The following XPO4 variants were observed in gnomAD, a reference collection of about 807,000 sequenced individuals.
XPO4 encodes the protein exportin 4.
Under a neutral mutation model 143.0 loss-of-function variants are expected in XPO4, and 39 were observed. The ratio of observed to expected loss-of-function variants is 0.27; its 90% CI spans 0.21 to 0.36. The LOEUF (loss-of-function observed/expected upper bound fraction) is 0.36, where lower values mean the gene tolerates loss of function less well. XPO4 is among the 10% of genes least tolerant of loss of function. XPO4 has a pLI of 1.00. For synonymous variants in XPO4, 439 were observed against 474.0 expected (o/e 0.93, Z 0.96); for missense variants, 907 against 1,348.0 (o/e 0.67, Z 5.12).
At chr13:20,808,942 T>G in intron 11 of XPO4, 141 bp downstream of exon 11, 2 of 953,670 alleles carry the variant, frequency 2.1e-6, no homozygotes, top group Non-Finnish European at 3.1e-6. Flanking sequence ...AACGCAATCA[T>G]GAGTATGTTT....
At chr13:20,859,167 A>G (rs2060172614) in intron 3 of XPO4, among the ~76,000 whole-genome samples, 2 of 151,736 alleles carry the variant, frequency 1.3e-5, no homozygotes, top group Admixed American at 1.3e-4. Flanking sequence ...CCCTGTCTCA[A>G]TTTAAAAAAC....
rs374763166 is a variant in XPO4, at chr13:20,800,333, G to A, written c.1978-8C>T. ...ACTGAATGGCAGACTTATCTTAAGAGAGGAAACAAATTTTTTAAGGTAAGC... is the reference window on the plus strand; with the variant it reads ...ACTGAATGGCAGACTTATCTTAAGAAAGGAAACAAATTTTTTAAGGTAAGC... On this transcript the variant is annotated splice_region_variant and splice_polypyrimidine_tract_variant and intron_variant, in intron 14 of 22. Transcript: ENST00000255305. 70 of 1,595,222 alleles carry A rather than the reference G, an allele frequency of 4.4e-5. 1 individual carries two copies. The African/African-American group carries it at 7.3e-4, about 17-fold the overall frequency.
At chr13:20,807,350 T>C (rs1595076584) in intron 13 of XPO4, 107 bp downstream of exon 13, 1 of 1,122,280 alleles carries the variant, frequency 8.9e-7, no homozygotes, top group East Asian at 2.6e-5. Context: ...ATTTTTTTCA[T>C]GTATCAGATT....
chr13:20,860,035 A>C (rs2060182250), intron 3 of XPO4: 1 of 160,208 alleles, frequency 6.2e-6, no homozygotes, highest in Non-Finnish European at 1.3e-5. Flanking sequence ...TGACTCCATA[A>C]GGTAGTCTGG....
At chr13:20,895,240 G>A (rs1344195882) in intron 1 of XPO4, among the ~76,000 whole-genome samples, 1 of 151,992 alleles carries the variant, frequency 6.6e-6, no homozygotes, top group Non-Finnish European at 1.5e-5. Context: ...ATTAATTTAT[G>A]GTCTAAATTT....
chr13:20,859,587 G>C (rs2060177598), intron 3 of XPO4, among the ~76,000 whole-genome samples: 1 of 146,380 alleles, frequency 6.8e-6, no homozygotes. Context: ...ATGACAGACC[G>C]AGACTCCGTC....
At chr13:20,814,218 AT>A (rs1288007646) in intron 9 of XPO4, among the ~76,000 whole-genome samples, 1 of 150,170 alleles carries the variant, frequency 6.7e-6, no homozygotes, top group Non-Finnish European at 1.5e-5. Flanking sequence ...AAAGCAGGAT[AT>A]TTTCTAAGAC....
chr13:20,823,977 A>C (rs150115800), intron 7 of XPO4, among the ~76,000 whole-genome samples: 8 of 152,274 alleles, frequency 5.3e-5, no homozygotes, highest in Admixed American at 3.3e-4. Flanking sequence ...ATGACCATCA[A>C]TAAGCTTTAC....
chr13:20,851,261 A>G, intron 4 of XPO4: 1 of 985,452 alleles, frequency 1.0e-6, no homozygotes, highest in Non-Finnish European at 1.2e-6. Flanking sequence ...GGGACAGTGT[A>G]TGCATTTAAC....
chr13:20,798,394 C>A (rs1311038179), intron 16 of XPO4, among the ~76,000 whole-genome samples: 1 of 152,108 alleles, frequency 6.6e-6, no homozygotes. Context: ...AAGAACAAAT[C>A]CCATGGACAC....
At chr13:20,871,780 C>T (rs1353906662) in intron 1 of XPO4, among the ~76,000 whole-genome samples, 13 of 152,152 alleles carry the variant, frequency 8.5e-5, no homozygotes, top group Non-Finnish European at 1.9e-4. Flanking sequence ...AAAAGACATC[C>T]TCATATCCAC....
rs1408226346 is a variant in XPO4, at chr13:20,822,196, C to T, written c.934G>A (p.Asp312Asn). 1 of 1,614,000 alleles carries T rather than the reference C, an allele frequency of 6.2e-7. No homozygotes were observed. Among genetic ancestry groups the T allele is most frequent in the East Asian group, 2.2e-5 (1 of 44,862 alleles). ...LASLHGPIFP[D>N]EGSQVDYLAH... The stretch of plus-strand genomic sequence containing the variant: ...AGATAATCAACTTGTGATCCTTCAT[C>T]TGGGAAGATGGGTCCATGAAGAGAA... Residue 312 changes from aspartate to asparagine, a missense_variant, in exon 8 of 23, where the codon GAT (aspartate) becomes AAT (asparagine). Asp to Asn is a conservative substitution (Grantham distance 23). Transcript: ENST00000255305.
intron 1 of XPO4, among the ~76,000 whole-genome samples, chr13:20,894,029 A>G (rs1343874957): frequency 6.6e-6 from 1 of 152,050 alleles, no homozygotes; most frequent in Non-Finnish European, 1.5e-5. Flanking sequence ...TTTAGTAGAG[A>G]CAGGGTTTCT....
intron 2 of XPO4, chr13:20,863,218 T>C (rs1435051009): frequency 1.7e-6 from 1 of 605,148 alleles, no homozygotes; most frequent in Non-Finnish European, 2.1e-6. Context: ...AACAGAACTT[T>C]GTATCTGAAA....
intron 1 of XPO4, among the ~76,000 whole-genome samples, chr13:20,897,465 C>T (rs1272770158): frequency 3.3e-5 from 5 of 152,184 alleles, no homozygotes; most frequent in Non-Finnish European, 7.4e-5. Flanking sequence ...GAAGCCCTTT[C>T]TCAGTCCCTA....
At chr13:20,813,981 T>C (rs1287357857) in intron 9 of XPO4, among the ~76,000 whole-genome samples, 2 of 151,626 alleles carry the variant, frequency 1.3e-5, no homozygotes, top group African/African-American at 4.8e-5. Flanking sequence ...AAAAATCTAT[T>C]GAACGCTAAG....
chr13:20,883,063 C>CAACT (rs753057227), intron 1 of XPO4, among the ~76,000 whole-genome samples: 1 of 152,194 alleles, frequency 6.6e-6, no homozygotes, highest in Non-Finnish European at 1.5e-5. Flanking sequence ...CTCTCCCCTA[C>CAACT]AACTACAGCT....
intron 1 of XPO4, among the ~76,000 whole-genome samples, chr13:20,884,540 G>T (rs540721103): frequency 8.5e-5 from 13 of 152,100 alleles, no homozygotes; most frequent in African/African-American, 2.2e-4. Context: ...CTCCGGAGTA[G>T]CTGGGACCAC....
rs1380819302 is a variant in XPO4, at chr13:20,783,902, C to T, written c.3276G>A (p.Leu1092=). Residue 1092 remains leucine (L), a synonymous_variant, in exon 23 of 23, where the codon CTG becomes CTA. Transcript: ENST00000255305. ...GCTGACTTGATAGTAATGTTTCGAC[C>T]AGTTCAGAATATTCAGCCTATTGAA... ...VCLHQAEYSE[L]VETLLSSQQD... 3 of 1,614,138 alleles carry T rather than the reference C, an allele frequency of 1.9e-6. No homozygotes were observed. Among genetic ancestry groups the T allele is most frequent in the Non-Finnish European group, 2.5e-6 (3 of 1,180,026 alleles).
Sources: allele counts gnomAD v4.1 joint callset (sites outside exome capture counted in the v4.1 genomes callset), GRCh38; gene constraint gnomAD v4.1.1; transcripts MANE v1.5; gene names NCBI Gene and HGNC (gene_info 2026-07-23, HGNC 2026-07-21).